The following AKT3 variants were observed in gnomAD, a reference collection of about 807,000 sequenced individuals.
The protein encoded by AKT3 is AKT serine/threonine kinase 3, also known as RAC-gamma serine/threonine-protein kinase.
A neutral mutation model predicts 65.3 loss-of-function variants in AKT3; 15 were observed. That is an observed-to-expected ratio of 0.23 (90% CI 0.15 to 0.35). The LOEUF is 0.35. AKT3 is among the 10% of genes least tolerant of loss of function. AKT3 has a pLI of 1.00. For missense variants in AKT3, 243 were observed against 576.5 expected, an observed-to-expected ratio of 0.42 and a Z score of 5.92; for synonymous variants, 206 against 183.8, an observed-to-expected ratio of 1.12 and a Z score of -0.98.
intron 2 of AKT3, among the ~76,000 whole-genome samples, chr1:243,804,655 G>A (rs1490196788): frequency 1.3e-5 from 2 of 152,076 alleles, no homozygotes; most frequent in African/African-American, 2.4e-5. Flanking sequence ...GACCATCCTG[G>A]CTAACACAGT....
intron 2 of AKT3, among the ~76,000 whole-genome samples, chr1:243,696,154 T>C (rs977295077): frequency 6.6e-6 from 1 of 151,828 alleles, no homozygotes; most frequent in Non-Finnish European, 1.5e-5. Flanking sequence ...TCTTTTTTTT[T>C]TCAAAAAAGA....
Position 243,613,756 on chromosome 1 carries a change from G to A in AKT3, c.628-17C>T, listed in dbSNP as rs2148604465. 3.3e-6 allele frequency: 5 copies of A among 1,537,500 alleles called. No individual in the cohort carries two copies. Among genetic ancestry groups the A allele is most frequent in the Non-Finnish European group, 3.5e-6 (4 of 1,130,070 alleles). On this transcript the variant is annotated splice_polypyrimidine_tract_variant and intron_variant, in intron 7 of 13. Transcript: ENST00000673466. ...TTTCAAGGACTTGAAATAAAAAAAA[G>A]AAAAAATGTTACATTATAATCCTGT...
intron 2 of AKT3, among the ~76,000 whole-genome samples, chr1:243,800,202 C>T (rs1010303557): frequency 1.3e-5 from 2 of 152,166 alleles, no homozygotes; most frequent in Admixed American, 6.5e-5. Flanking sequence ...CTACTACTTG[C>T]TAGGTGTACA....
intron 2 of AKT3, among the ~76,000 whole-genome samples, chr1:243,724,605 T>C (rs1166519875): frequency 1.3e-5 from 2 of 152,184 alleles, no homozygotes; most frequent in African/African-American, 2.4e-5. Flanking sequence ...TTAATACAAA[T>C]GCATCCATCT....
At chr1:243,729,286 T>C (rs1687400378) in intron 2 of AKT3, among the ~76,000 whole-genome samples, 1 of 152,114 alleles carries the variant, frequency 6.6e-6, no homozygotes, top group Non-Finnish European at 1.5e-5. Context: ...GAAGATACTA[T>C]TGCACCTTTA....
At chr1:243,822,952 C>G (rs1051817412) in intron 2 of AKT3, among the ~76,000 whole-genome samples, 1 of 152,102 alleles carries the variant, frequency 6.6e-6, no homozygotes, top group Non-Finnish European at 1.5e-5. Flanking sequence ...CAACCTGACA[C>G]CAAAACCCAG....
chr1:243,795,467 TTTTTTTTGG>T (rs1691921047), intron 2 of AKT3, among the ~76,000 whole-genome samples: 7 of 98,036 alleles, frequency 7.1e-5, no homozygotes, highest in Admixed American at 3.6e-4. Flanking sequence ...TTTTTGTTTT[TTTTTTTTGG>T]TTTTTTTTTT....
chr1:243,492,172 GGT>G (rs1302373043), intron 13 of AKT3, among the ~76,000 whole-genome samples: 2 of 151,838 alleles, frequency 1.3e-5, no homozygotes, highest in African/African-American at 2.4e-5. Flanking sequence ...GGGAGCCCCT[GGT>G]AGTGGTAGCT....
At chr1:243,685,177 T>C (rs554528301) in intron 3 of AKT3, among the ~76,000 whole-genome samples, 10 of 152,374 alleles carry the variant, frequency 6.6e-5, no homozygotes, top group Middle Eastern at 3.4e-3. Context: ...TTTGTCAATT[T>C]TGGCTTTTGT....
intron 2 of AKT3, among the ~76,000 whole-genome samples, chr1:243,825,549 A>C (rs1694115387): frequency 6.6e-6 from 1 of 152,240 alleles, no homozygotes; most frequent in African/African-American, 2.4e-5. Flanking sequence ...CTAATACTTC[A>C]AACTATGTAA....
In AKT3 at chr1:243,836,470, G is replaced by GA. The variant is rs550274622; in HGVS notation, c.46+6654dup. ...ATAACACTGAGTCACAGAACTAGAG[G>GA]AAAAAAAAAAAACGAGTCAGTGAAG... On this transcript the variant is annotated intron_variant, in intron 2 of 13. Coordinates refer to ENST00000673466, the MANE Select transcript of AKT3 (RefSeq NM_005465.7). Among the ~76,000 whole-genome samples, 868 of 135,528 alleles carry GA rather than the reference G, an allele frequency of 6.4e-3. 9 individuals carry two copies. The highest frequency in any genetic ancestry group is 0.019 in the African/African-American group (722 of 37,140). 88.9% of individuals were successfully genotyped at this position (135,528 alleles called of 152,430 possible). A position where few individuals can be genotyped will look rare whatever the true frequency, so the allele number is the denominator to read the frequency against.
At chr1:243,528,329 T>A (rs1025583470) in intron 12 of AKT3, among the ~76,000 whole-genome samples, 4 of 152,188 alleles carry the variant, frequency 2.6e-5, no homozygotes, top group African/African-American at 4.8e-5. Flanking sequence ...CTCTATTTTT[T>A]AAATTTTAGG....
At chr1:243,627,868 A>C (rs964744797) in intron 6 of AKT3, among the ~76,000 whole-genome samples, 9 of 152,214 alleles carry the variant, frequency 5.9e-5, no homozygotes, top group African/African-American at 2.2e-4. Context: ...CAATCCGTAA[A>C]ACTACCTGAA....
chr1:243,499,331 A>T (rs1668914405), downstream of AKT3, among the ~76,000 whole-genome samples: 1 of 152,064 alleles, frequency 6.6e-6, no homozygotes, highest in South Asian at 2.1e-4. Flanking sequence ...TTTCACGAGG[A>T]ATTTCTTAGG....
intron 6 of AKT3, among the ~76,000 whole-genome samples, chr1:243,622,802 T>C (rs561293783): frequency 1.3e-5 from 2 of 152,154 alleles, no homozygotes; most frequent in Non-Finnish European, 2.9e-5. Flanking sequence ...ATACAGAGGT[T>C]CAAAAGAATA....
intron 13 of AKT3, among the ~76,000 whole-genome samples, chr1:243,511,547 G>A (rs1193590428): frequency 6.6e-6 from 1 of 152,178 alleles, no homozygotes; most frequent in Non-Finnish European, 1.5e-5. Flanking sequence ...GAAAAACTAT[G>A]ATGTGAACCC....
chr1:243,545,757 C>A, intron 11 of AKT3, 160 bp from the exon 12 acceptor site: 1 of 573,424 alleles, frequency 1.7e-6, no homozygotes, highest in South Asian at 2.6e-5. Flanking sequence ...ATCTATTTTT[C>A]CTAATATGCT....
intron 12 of AKT3, among the ~76,000 whole-genome samples, chr1:243,520,942 T>G (rs1226130850): frequency 6.6e-6 from 1 of 152,208 alleles, no homozygotes; most frequent in African/African-American, 2.4e-5. Context: ...TTCTGAAGGT[T>G]GTTAGAGTAA....
At chr1:243,517,637 T>C (rs1463065718) in intron 12 of AKT3, among the ~76,000 whole-genome samples, 1 of 152,222 alleles carries the variant, frequency 6.6e-6, no homozygotes, top group African/African-American at 2.4e-5. Flanking sequence ...TCTGATTAGG[T>C]TGAGCATAGT....
Sources: allele counts gnomAD v4.1 joint callset (sites outside exome capture counted in the v4.1 genomes callset), GRCh38; gene constraint gnomAD v4.1.1; transcripts MANE v1.5; gene names NCBI Gene and HGNC (gene_info 2026-07-23, HGNC 2026-07-21).